KBTBD8: variants seen among roughly 807,000 people sequenced by gnomAD.
The protein encoded by KBTBD8 is kelch repeat and BTB domain-containing protein 8.
In KBTBD8, 31 loss-of-function variants were observed where a neutral mutation model predicts 53.5. The observed-to-expected ratio is 0.58, with a 90% CI of 0.44 to 0.78. KBTBD8 has a LOEUF of 0.78. Among genes scored for constraint, KBTBD8 ranks in the 30% least tolerant of loss-of-function variants. KBTBD8 has a pLI of 0.00. For synonymous variants in KBTBD8, 250 were observed against 247.3 expected, an observed-to-expected ratio of 1.01 and a Z score of -0.10; for missense variants, 642 against 735.8, an observed-to-expected ratio of 0.87 and a Z score of 1.48.
chr3:67,003,633 G>C lies in KBTBD8; in HGVS notation c.666G>C (p.Glu222Asp). Reference protein sequence around the residue: ...HVYESIIRWFEHEQNEREVHL... With the variant: ...HVYESIIRWFDHEQNEREVHL... The stretch of plus-strand genomic sequence containing the variant: ...ATGAAAGCATTATAAGGTGGTTTGA[G>C]CATGAACAGAATGAAAGAGAAGTGC... Residue 222 changes from glutamate to aspartate, a missense_variant, in exon 3 of 4, where the codon GAG becomes GAC. Transcript: ENST00000417314. 1 of 1,614,104 alleles carries C rather than the reference G, an allele frequency of 6.2e-7. No individual in the cohort carries two copies. Among genetic ancestry groups the C allele is most frequent in the Non-Finnish European group, 8.5e-7 (1 of 1,180,012 alleles).
chr3:67,003,617 T>C lies in KBTBD8; in HGVS notation c.650T>C (p.Ile217Thr), dbSNP rs1702036950. 1.9e-6 allele frequency: 3 copies of C among 1,613,974 alleles called. No homozygotes were observed. The African/African-American group carries it at 4.0e-5, about 22-fold the overall frequency. ...VDREEHVYES[I>T]IRWFEHEQNE... Reference sequence around the variant, plus strand: ...CGAGAAGAGCATGTTTATGAAAGCATTATAAGGTGGTTTGAGCATGAACAG... The same window carrying C: ...CGAGAAGAGCATGTTTATGAAAGCACTATAAGGTGGTTTGAGCATGAACAG... The change falls in exon 3 of 4, where the codon ATT becomes ACT. Residue 217 changes from isoleucine (I) to threonine (T), a missense_variant. Ile to Thr is a moderately conservative substitution (Grantham distance 89). Coordinates refer to ENST00000417314, the MANE Select transcript of KBTBD8 (RefSeq NM_032505.3).
chr3:67,003,487 T>C lies in KBTBD8; in HGVS notation c.520T>C (p.Tyr174His), dbSNP rs770922260. 2 of 1,614,140 alleles carry C rather than the reference T, an allele frequency of 1.2e-6. No homozygotes were observed. The highest frequency in any genetic ancestry group is 4.5e-5 in the East Asian group (2 of 44,878). ...GGAACTCGGAGATCGATCAAAAGAA[T>C]ACATTCGTAAAAAGTTTCTGTGTGT... ...HQELGDRSKE[Y>H]IRKKFLCVTK... The change falls in exon 3 of 4, where the codon TAC becomes CAC. Residue 174 changes from tyrosine (Y) to histidine (H), a missense_variant. Physicochemically the swap from Tyr to His is moderately conservative, Grantham distance 83. Coordinates refer to ENST00000417314, the MANE Select transcript of KBTBD8 (RefSeq NM_032505.3).
chr3:67,008,302 C>G lies in KBTBD8; in HGVS notation c.1723C>G (p.Pro575Ala), dbSNP rs1236693189. 1.9e-6 allele frequency: 3 copies of G among 1,613,566 alleles called. No homozygotes were observed. The African/African-American group carries it at 4.0e-5, about 22-fold the overall frequency. Residue 575 changes from proline to alanine, a missense_variant, in exon 4 of 4, where the codon CCA becomes GCA. By Grantham distance (27) the Pro-to-Ala change is conservative (BLOSUM62 -1). Transcript: ENST00000417314. ...CCAGTGGATGAAAGTGTATGAGACCCCAGATCGGCTCTGGGACCTTGGCCG... is the reference window on the plus strand; with the variant it reads ...CCAGTGGATGAAAGTGTATGAGACCGCAGATCGGCTCTGGGACCTTGGCCG... The part of the protein sequence containing the change: ...ADQWMKVYET[P>A]DRLWDLGRHF...
chr3:67,003,523 C>T lies in KBTBD8; in HGVS notation c.556C>T (p.Gln186Ter). 1 of 1,613,990 alleles carries T rather than the reference C, an allele frequency of 6.2e-7. No homozygotes were observed. The highest frequency in any genetic ancestry group is 8.5e-7 in the Non-Finnish European group (1 of 1,179,904). The change falls in exon 3 of 4, where the codon CAA (glutamine) becomes TAA (stop). Residue 186 changes from glutamine (Q) to a stop codon, truncating the protein, a stop_gained. Coordinates refer to ENST00000417314, the MANE Select transcript of KBTBD8 (RefSeq NM_032505.3). LOFTEE classifies it high-confidence loss of function. ...RKKFLCVTKEQEFLQLTKDQL... is the reference protein window; with the variant it reads ...RKKFLCVTKE ...AAAGTTTCTGTGTGTCACCAAAGAA[C>T]AAGAGTTTCTCCAGTTGACAAAAGA...
chr3:67,003,851 A>C lies in KBTBD8; in HGVS notation c.884A>C (p.His295Pro). 6.2e-7 allele frequency: 1 copy of C among 1,614,238 alleles called. No homozygotes were observed. Among genetic ancestry groups the C allele is most frequent in the South Asian group, 1.1e-5 (1 of 91,088 alleles). ...SEMIICFDAA[H>P]KHSGKKQTVP... is the part of the protein sequence containing the mutation. ...ATGATCATATGTTTTGATGCTGCCC[A>C]CAAACACTCAGGAAAGAAGCAAACA... is the stretch of plus-strand genomic sequence containing the variant. The change falls in exon 3 of 4, where the codon CAC becomes CCC. Residue 295 changes from histidine to proline, a missense_variant. Physicochemically the swap from His to Pro is moderately conservative, Grantham distance 77 (BLOSUM62 -2). Transcript: ENST00000417314.
chr3:67,005,847 G>A (rs941833070), intron 3 of KBTBD8, among the ~76,000 whole-genome samples: 12 of 151,892 alleles, frequency 7.9e-5, no homozygotes, highest in African/African-American at 2.2e-4. Flanking sequence ...TGGTAGAGTC[G>A]GCGTTTCACT....
rs1263946599 is a variant in KBTBD8, at chr3:67,011,185, A to G, written c.*2800A>G. The G allele has an allele frequency of 6.6e-6, 1 of 152,556 alleles. No individual in the cohort carries two copies. The allele number at this position is 152,556 out of a possible 1,614,324, so 9.5% of individuals were successfully genotyped here. On this transcript the variant is annotated 3_prime_UTR_variant, in exon 4 of 4. Coordinates refer to ENST00000417314, the MANE Select transcript of KBTBD8 (RefSeq NM_032505.3). ...TTTTTACCTGATGTCATTGTTTCTT[A>G]TAATAAAACCTTTTCTGATTGAAAA...
At chr3:67,004,438 G>A (rs1329725055) in intron 3 of KBTBD8, 129 bp downstream of exon 3, 2 of 855,804 alleles carry the variant, frequency 2.3e-6, no homozygotes, top group African/African-American at 1.7e-5. Flanking sequence ...CAAACTATTG[G>A]AACAGTCTGT....
rs1177558958 is a variant in KBTBD8, at chr3:67,004,212, CAGT to C, written c.1248_1250del (p.Ser416del). 6.2e-7 allele frequency: 1 copy of C among 1,614,146 alleles called. No homozygotes were observed. Among genetic ancestry groups the C allele is most frequent in the South Asian group, 1.1e-5 (1 of 91,088 alleles). On this transcript the variant is annotated inframe_deletion, in exon 3 of 4. Transcript: ENST00000417314. ...CACTAAAATCTGTTGAGTGCTACGA[CAGT>C]AGAGAGAATTGTTGGACGACTGTTT...
Position 67,009,085 on chromosome 3 carries a change from C to T in KBTBD8, c.*700C>T, listed in dbSNP as rs552251643. 2 of 152,746 alleles carry T rather than the reference C, an allele frequency of 1.3e-5. No homozygotes were observed. The highest frequency in any genetic ancestry group is 2.1e-4 in the South Asian group (1 of 4,830). 9.5% of individuals were successfully genotyped at this position (152,746 alleles called of 1,614,324 possible). On this transcript the variant is annotated 3_prime_UTR_variant, in exon 4 of 4. Transcript: ENST00000417314. ...TTTTGTGAAAATCTGGAAAAGTGCT[C>T]ATATTCACAGGTGGCTGGTGCTAGT...
In KBTBD8 at chr3:67,003,741, A is replaced by G; in HGVS notation, c.774A>G (p.Ala258=). 1 of 1,614,154 alleles carries G rather than the reference A, an allele frequency of 6.2e-7. No homozygotes were observed. The highest frequency in any genetic ancestry group is 8.5e-7 in the Non-Finnish European group (1 of 1,180,006). The part of the protein sequence containing the change: ...TFIEKIPPQF[A]QAIAKSCVEK... ...TAGAGAAAATTCCACCTCAGTTTGC[A>G]CAGGCTATAGCCAAAAGCTGTGTAG... The change falls in exon 3 of 4, where the codon GCA becomes GCG. Residue 258 remains alanine (A), a synonymous_variant. Coordinates refer to ENST00000417314, the MANE Select transcript of KBTBD8 (RefSeq NM_032505.3).
intron 2 of KBTBD8, among the ~76,000 whole-genome samples, chr3:67,002,221 A>C (rs1702023684): frequency 6.6e-6 from 1 of 152,200 alleles, no homozygotes; most frequent in Non-Finnish European, 1.5e-5. Flanking sequence ...GGTATCTTTG[A>C]GAAAATGAAG....
At position 67,010,477 on chromosome 3, in the gene KBTBD8, A is replaced by G. The variant is rs1469425429; in HGVS notation, c.*2092A>G. 1 of 152,628 alleles carries G rather than the reference A, an allele frequency of 6.6e-6. No homozygotes were observed. The highest frequency in any genetic ancestry group is 1.5e-5 in the Non-Finnish European group (1 of 68,000). 9.5% of individuals were successfully genotyped at this position (152,628 alleles called of 1,614,324 possible). On this transcript the variant is annotated 3_prime_UTR_variant, in exon 4 of 4. Coordinates refer to ENST00000417314, the MANE Select transcript of KBTBD8 (RefSeq NM_032505.3). Reference sequence around the variant, plus strand: ...AATTCAACAGTAGATTTATTCTTTTAGCCTGCACAACAGTTGATCTTTTGG... The same window carrying G: ...AATTCAACAGTAGATTTATTCTTTTGGCCTGCACAACAGTTGATCTTTTGG...
chr3:67,003,186 C>T lies in KBTBD8; in HGVS notation c.228-9C>T. Reference sequence around the variant, plus strand: ...ACACGTGTAATATTAACCACTCTTTCCTTCTTAGATCCATGTTCACTAGCG... The same window carrying T: ...ACACGTGTAATATTAACCACTCTTTTCTTCTTAGATCCATGTTCACTAGCG... On this transcript the variant is annotated splice_polypyrimidine_tract_variant and intron_variant, in intron 2 of 3. Coordinates refer to ENST00000417314, the MANE Select transcript of KBTBD8 (RefSeq NM_032505.3). 6.2e-7 allele frequency: 1 copy of T among 1,605,584 alleles called. No individual in the cohort carries two copies. Among genetic ancestry groups the T allele is most frequent in the Non-Finnish European group, 8.5e-7 (1 of 1,172,888 alleles).
intron 3 of KBTBD8, among the ~76,000 whole-genome samples, chr3:67,006,137 A>G (rs1283497311): frequency 1.3e-5 from 2 of 152,098 alleles, no homozygotes; most frequent in African/African-American, 2.4e-5. Flanking sequence ...TGGATGTATG[A>G]TCCGTCCAGT....
chr3:67,003,635 A>T lies in KBTBD8; in HGVS notation c.668A>T (p.His223Leu). The T allele has an allele frequency of 6.2e-7, 1 of 1,614,166 alleles. No individual in the cohort carries two copies. The highest frequency in any genetic ancestry group is 8.5e-7 in the Non-Finnish European group (1 of 1,180,024). The change falls in exon 3 of 4, where the codon CAT becomes CTT. Residue 223 changes from histidine (H) to leucine (L), a missense_variant. Coordinates refer to ENST00000417314, the MANE Select transcript of KBTBD8 (RefSeq NM_032505.3). ...GAAAGCATTATAAGGTGGTTTGAGC[A>T]TGAACAGAATGAAAGAGAAGTGCAC... ...VYESIIRWFE[H>L]EQNEREVHLP...
chr3:66,998,327 A>G lies in KBTBD8; in HGVS notation c.-29A>G. ...GAAGCGAAATGACATTTCCTTTTTAAATAGCTGGAGTCGGGGCCCCATCGA... is the reference window on the plus strand; with the variant it reads ...GAAGCGAAATGACATTTCCTTTTTAGATAGCTGGAGTCGGGGCCCCATCGA... On this transcript the variant is annotated 5_prime_UTR_variant, in exon 1 of 4. An upstream open reading frame in the 5' UTR loses its in-frame stop. Coordinates refer to ENST00000417314, the MANE Select transcript of KBTBD8 (RefSeq NM_032505.3). 7.7e-7 allele frequency: 1 copy of G among 1,301,258 alleles called. No individual in the cohort carries two copies. Among genetic ancestry groups the G allele is most frequent in the Non-Finnish European group, 9.8e-7 (1 of 1,016,974 alleles). 80.6% of individuals were successfully genotyped at this position (1,301,258 alleles called of 1,614,324 possible).
chr3:67,008,868 A>G lies in KBTBD8; in HGVS notation c.*483A>G, dbSNP rs937743725. 1.9e-5 allele frequency: 3 copies of G among 155,308 alleles called. No homozygotes were observed. The highest frequency in any genetic ancestry group is 2.9e-5 in the Non-Finnish European group (2 of 69,576). 9.6% of individuals were successfully genotyped at this position (155,308 alleles called of 1,614,324 possible). ...TCATTCTTAATATTTATATGTATCT[A>G]TTTTTGTGTACTGTTTTCAAGTGTA... On this transcript the variant is annotated 3_prime_UTR_variant, in exon 4 of 4. Transcript: ENST00000417314.
chr3:66,998,362 G>GT lies in KBTBD8; in HGVS notation c.7_8insT (p.Ala3ValfsTer7). ...GTCGGGGCCCCATCGAGAAATGGCC[G>GT]CGTCGGCAGGTGGGTCGTGTGGTGG... On this transcript the variant is annotated frameshift_variant, in exon 1 of 4. Transcript: ENST00000417314. LOFTEE classifies it high-confidence loss of function. 1 of 1,292,640 alleles carries GT rather than the reference G, an allele frequency of 7.7e-7. No homozygotes were observed. The highest frequency in any genetic ancestry group is 9.9e-7 in the Non-Finnish European group (1 of 1,011,376). The allele number at this position is 1,292,640 out of a possible 1,614,324, so 80.1% of individuals were successfully genotyped here.
Sources: allele counts gnomAD v4.1 joint callset (sites outside exome capture counted in the v4.1 genomes callset), GRCh38; gene constraint gnomAD v4.1.1; transcripts MANE v1.5; gene names NCBI Gene and HGNC (gene_info 2026-07-23, HGNC 2026-07-21).